The following LITAF variants were observed in gnomAD, a reference collection of about 807,000 sequenced individuals.
LITAF encodes lipopolysaccharide-induced tumor necrosis factor-alpha factor.
In LITAF, 9 loss-of-function variants were observed where a neutral mutation model predicts 14.5. The observed-to-expected ratio is 0.62, with a 90% CI of 0.37 to 1.08. The LOEUF (loss-of-function observed/expected upper bound fraction) is 1.08. Among genes scored for constraint, LITAF ranks in the 50% least tolerant of loss-of-function variants. The probability of loss-of-function intolerance (pLI) is 0.01; values close to 1 mark genes in which losing one functional copy is unlikely to be tolerated. For missense variants in LITAF, 206 were observed against 213.4 expected (o/e 0.97, Z 0.22); for synonymous variants, 98 against 88.2 (o/e 1.11, Z -0.62).
At position 11,548,381 on chromosome 16, in the gene LITAF, G is replaced by C. The variant is rs1254403113; in HGVS notation, c.*1256C>G. 2 of 453,924 alleles carry C rather than the reference G, an allele frequency of 4.4e-6. No individual in the cohort carries two copies. The highest frequency in any genetic ancestry group is 8.8e-6 in the Non-Finnish European group (2 of 226,782). 28.1% of individuals were successfully genotyped at this position (453,924 alleles called of 1,614,324 possible). A position where few individuals can be genotyped will look rare whatever the true frequency, so the allele number is the denominator to read the frequency against. Reference sequence around the variant, plus strand: ...GCTGTGTCTCTGAAAACTAAAATCAGACTTTAGATTCCTCTGAAACAGTTC... The same window carrying C: ...GCTGTGTCTCTGAAAACTAAAATCACACTTTAGATTCCTCTGAAACAGTTC... On this transcript the variant is annotated 3_prime_UTR_variant, in exon 4 of 4. Coordinates refer to ENST00000622633, the MANE Select transcript of LITAF (RefSeq NM_001136472.2).
chr16:11,550,426 G>C (rs1597325775), intron 3 of LITAF, among the ~76,000 whole-genome samples: 1 of 152,134 alleles, frequency 6.6e-6, no homozygotes, highest in Non-Finnish European at 1.5e-5. Context: ...CTGGCCTCTA[G>C]AATTGTGAGA....
At chr16:11,631,599 A>T (rs1334924947) in intron 3 of LITAF, among the ~76,000 whole-genome samples, 1 of 152,218 alleles carries the variant, frequency 6.6e-6, no homozygotes, top group Non-Finnish European at 1.5e-5. Flanking sequence ...TACGTTGCCC[A>T]GTCTGGTCGC....
At chr16:11,592,601 A>G (rs2141852201) in intron 1 of LITAF, among the ~76,000 whole-genome samples, 1 of 151,044 alleles carries the variant, frequency 6.6e-6, no homozygotes, top group Admixed American at 6.6e-5. Flanking sequence ...AGGGCAAAGG[A>G]CTTGAGTAGA....
At chr16:11,601,421 CT>C (rs1314938823), upstream of LITAF, among the ~76,000 whole-genome samples, 4 of 152,176 alleles carry the variant, frequency 2.6e-5, no homozygotes, top group African/African-American at 7.2e-5. Context: ...CAATTTTCTT[CT>C]CTCTCTTGGC....
At chr16:11,618,798 C>A (rs146761001) in intron 3 of LITAF, among the ~76,000 whole-genome samples, 7,935 of 152,020 alleles carry the variant, frequency 0.052, 307 homozygotes, top group African/African-American at 0.1. Context: ...GCCTGGCTAA[C>A]ATGGTGAAAC....
chr16:11,599,556 G>A (rs185144906), upstream of LITAF, among the ~76,000 whole-genome samples: 40 of 152,182 alleles, frequency 2.6e-4, no homozygotes, highest in African/African-American at 8.4e-4. Flanking sequence ...CCACAGCTTC[G>A]TGATAAGAAA....
chr16:11,593,014 CA>C (rs2064857261), intron 1 of LITAF, among the ~76,000 whole-genome samples: 2 of 151,946 alleles, frequency 1.3e-5, no homozygotes, highest in Non-Finnish European at 2.9e-5. Context: ...ACTAAAAATA[CA>C]AAAAAATTAG....
At chr16:11,622,880 A>G (rs2065059627) in intron 3 of LITAF, among the ~76,000 whole-genome samples, 1 of 151,968 alleles carries the variant, frequency 6.6e-6, no homozygotes, top group South Asian at 2.1e-4. Context: ...TGAAACAGGT[A>G]TTTCGTATAT....
At chr16:11,596,019 G>T (rs1360795904) in intron 1 of LITAF, among the ~76,000 whole-genome samples, 1 of 152,150 alleles carries the variant, frequency 6.6e-6, no homozygotes, top group Non-Finnish European at 1.5e-5. Context: ...CAGGCGGCCT[G>T]GCTCCAAGTC....
rs952024073 is a variant in LITAF at position 11,634,690 on chromosome 16, C to G, written c.-20-1053G>C. On this transcript the variant is annotated intron_variant, in intron 2 of 3. Transcript: ENST00000574848. The surrounding 1 kb of genome is among the most constrained non-coding windows in gnomAD (Gnocchi z 4.1). ...CCATTCCCTGGCCAGACGAACTATC[C>G]TTGAAAAACCCTAGCCTCTGAATTT... Among the ~76,000 whole-genome samples the G allele has an allele frequency of 5.9e-5, 9 of 152,192 alleles. No homozygotes were observed. The East Asian group carries it at 1.7e-3, about 29-fold the overall frequency.
chr16:11,557,011 C>A (rs2064280868), intron 1 of LITAF, among the ~76,000 whole-genome samples: 1 of 152,076 alleles, frequency 6.6e-6, no homozygotes, highest in South Asian at 2.1e-4. Flanking sequence ...CATCTTAAAC[C>A]ATTACCAGAC....
intron 3 of LITAF, among the ~76,000 whole-genome samples, chr16:11,550,200 C>T (rs1315761687): frequency 2.6e-5 from 4 of 152,222 alleles, no homozygotes; most frequent in Non-Finnish European, 5.9e-5. Context: ...AGCAATTCTC[C>T]TGCCTCAGCC....
chr16:11,598,261 C>T (rs1279787734), intron 1 of LITAF: 4 of 151,312 alleles, frequency 2.6e-5, no homozygotes, highest in Non-Finnish European at 5.9e-5. Flanking sequence ...CCCACTGAGG[C>T]CCCACTGTCT....
At chr16:11,593,230 C>T (rs1255167750) in intron 1 of LITAF, among the ~76,000 whole-genome samples, 1 of 151,444 alleles carries the variant, frequency 6.6e-6, no homozygotes, top group East Asian at 1.9e-4. Flanking sequence ...GTGGCAGATG[C>T]CTGTAAACCC....
intron 3 of LITAF, among the ~76,000 whole-genome samples, chr16:11,628,009 C>CAAA (rs34480494): frequency 2.2e-4 from 12 of 54,738 alleles, no homozygotes; most frequent in Admixed American, 4.0e-4. Context: ...GAGACTCTGT[C>CAAA]AAAAAAAAAA....
intron 3 of LITAF, among the ~76,000 whole-genome samples, chr16:11,551,255 C>G (rs2064177669): frequency 6.6e-6 from 1 of 152,182 alleles, no homozygotes; most frequent in African/African-American, 2.4e-5. Context: ...GGCAGTCAAT[C>G]CATTCAGCAG....
upstream of LITAF, among the ~76,000 whole-genome samples, chr16:11,598,744 C>A (rs117873985): frequency 0.016 from 2,443 of 152,254 alleles, 25 homozygotes; most frequent in Middle Eastern, 0.037. Flanking sequence ...TTTGTTCTCT[C>A]AGCTGCCCTG....
chr16:11,596,168 G>A (rs1017092278), intron 1 of LITAF, among the ~76,000 whole-genome samples: 3 of 152,084 alleles, frequency 2.0e-5, no homozygotes, highest in Non-Finnish European at 4.4e-5. Context: ...TCCCAGAACT[G>A]GCTAGGCCTC....
intron 3 of LITAF, among the ~76,000 whole-genome samples, chr16:11,611,666 CTT>C (rs778921315): frequency 6.3e-5 from 9 of 142,648 alleles, no homozygotes; most frequent in Non-Finnish European, 7.7e-5. Flanking sequence ...TTTTCTTTTT[CTT>C]TTTTTTTTTT....
Sources: gnomAD v4.1 joint callset for allele counts (sites outside exome capture counted in the v4.1 genomes callset) on GRCh38, gnomAD v4.1.1 for gene constraint, Gnocchi (gnomAD v3.1) non-coding constraint, MANE v1.5 for transcripts, NCBI Gene and HGNC (gene_info 2026-07-23, HGNC 2026-07-21) for gene names.